Variants in CSMD1 observed in about 807,000 individuals in gnomAD.
CSMD1 encodes the protein CUB and sushi domain-containing protein 1.
CSMD1 carries 213 observed loss-of-function variants against 417.5 expected under a neutral mutation model. That is an observed-to-expected ratio of 0.51 (90% CI 0.46 to 0.57). The LOEUF (loss-of-function observed/expected upper bound fraction) is 0.57, where lower values mean the gene tolerates loss of function less well. Among genes scored for constraint, CSMD1 ranks in the 20% least tolerant of loss-of-function variants. The pLI, the probability that CSMD1 is intolerant of heterozygous loss-of-function variation, is 0.00. For missense variants in CSMD1, 6,923 were observed against 4,529.7 expected, an observed-to-expected ratio of 1.53 and a Z score of -15.17; for synonymous variants, 2,862 against 1,736.8, an observed-to-expected ratio of 1.65 and a Z score of -16.11.
chr8:4,638,407 A>G (rs924395083), intron 1 of CSMD1, among the ~76,000 whole-genome samples: 1 of 152,226 alleles, frequency 6.6e-6, no homozygotes, highest in Admixed American at 6.5e-5. Context: ...GAAGAATAAC[A>G]TATGCATAAA....
chr8:4,978,930 G>A (rs1563921303), intron 1 of CSMD1, among the ~76,000 whole-genome samples: 1 of 152,044 alleles, frequency 6.6e-6, no homozygotes, highest in Non-Finnish European at 1.5e-5. Flanking sequence ...AGAGCTATTG[G>A]GAACAGTCAG....
chr8:3,213,265 A>C (rs1258589372), intron 30 of CSMD1, among the ~76,000 whole-genome samples: 1 of 152,172 alleles, frequency 6.6e-6, no homozygotes, highest in Non-Finnish European at 1.5e-5. Context: ...TAACCCTAGA[A>C]ATGAATGTCT....
At chr8:4,171,733 T>C (rs913904114) in intron 3 of CSMD1, among the ~76,000 whole-genome samples, 1 of 152,156 alleles carries the variant, frequency 6.6e-6, no homozygotes, top group Non-Finnish European at 1.5e-5. Context: ...GCTTCTGAAA[T>C]TTTCATCTTT....
At chr8:4,165,594 G>T (rs1262351732) in intron 3 of CSMD1, among the ~76,000 whole-genome samples, 2 of 152,082 alleles carry the variant, frequency 1.3e-5, no homozygotes, top group Non-Finnish European at 2.9e-5. Context: ...GTAGAGACAT[G>T]GTCTCACTAT....
At chr8:3,020,851 A>G (rs958108132) in intron 51 of CSMD1, among the ~76,000 whole-genome samples, 4 of 152,220 alleles carry the variant, frequency 2.6e-5, no homozygotes, top group African/African-American at 9.6e-5. Context: ...GGGATTGCTA[A>G]ACTATTACAG....
chr8:3,333,036 C>A (rs1245063331), intron 23 of CSMD1, among the ~76,000 whole-genome samples: 2 of 152,130 alleles, frequency 1.3e-5, no homozygotes, highest in Non-Finnish European at 2.9e-5. Flanking sequence ...TTTGGAGAAG[C>A]CAGCAAGGAC....
At chr8:4,760,695 A>C (rs530914259) in intron 1 of CSMD1, among the ~76,000 whole-genome samples, 1 of 152,122 alleles carries the variant, frequency 6.6e-6, no homozygotes, top group African/African-American at 2.4e-5. Flanking sequence ...TATTCTTCAA[A>C]TTTACTCTAA....
chr8:3,959,368 G>A (rs1812170829), intron 5 of CSMD1, among the ~76,000 whole-genome samples: 1 of 152,112 alleles, frequency 6.6e-6, no homozygotes, highest in African/African-American at 2.4e-5. Context: ...GTGTGATGGC[G>A]CCAGCCTGTA....
intron 3 of CSMD1, among the ~76,000 whole-genome samples, chr8:4,134,999 C>A (rs1420592461): frequency 1.3e-5 from 2 of 152,096 alleles, no homozygotes; most frequent in African/African-American, 4.8e-5. Flanking sequence ...TTCTCTTCTG[C>A]CTCTAGAATT....
chr8:4,242,663 C>G (rs1367776419), intron 3 of CSMD1, among the ~76,000 whole-genome samples: 1 of 152,292 alleles, frequency 6.6e-6, no homozygotes, highest in East Asian at 1.9e-4. Flanking sequence ...TCCCTCCTTC[C>G]AGGTTCACAG....
chr8:4,225,403 C>T (rs1563301358), intron 3 of CSMD1, among the ~76,000 whole-genome samples: 1 of 151,856 alleles, frequency 6.6e-6, no homozygotes, highest in Non-Finnish European at 1.5e-5. Context: ...GTTCGTAAGC[C>T]TCTAGATAAG....
At chr8:3,706,082 GC>G (rs1801150578) in intron 7 of CSMD1, among the ~76,000 whole-genome samples, 1 of 152,244 alleles carries the variant, frequency 6.6e-6, no homozygotes. Flanking sequence ...CTGGAACGTG[GC>G]CTGGCCTGTG....
rs116905207 is a variant in CSMD1 at position 3,414,514 on chromosome 8, C to T, written c.1562-4909G>A. Among the ~76,000 whole-genome samples, 13 of 152,200 alleles carry T rather than the reference C, an allele frequency of 8.5e-5. No individual in the cohort carries two copies. In the East Asian group the frequency reaches 2.5e-3, roughly 30 times the overall value. ...TGCCATCATTGACGCTCTTGGGGTCCTCTCATCGCTCCCCATGCTGCATCC... is the reference window on the plus strand; with the variant it reads ...TGCCATCATTGACGCTCTTGGGGTCTTCTCATCGCTCCCCATGCTGCATCC... On this transcript the variant is annotated intron_variant, in intron 12 of 69. Coordinates refer to ENST00000635120, the MANE Select transcript of CSMD1 (RefSeq NM_033225.6).
At chr8:4,103,621 T>C (rs1000492992) in intron 3 of CSMD1, among the ~76,000 whole-genome samples, 1 of 152,174 alleles carries the variant, frequency 6.6e-6, no homozygotes, top group Non-Finnish European at 1.5e-5. Context: ...AACACTTGTG[T>C]AGTCTTAAGG....
intron 3 of CSMD1, among the ~76,000 whole-genome samples, chr8:4,050,518 T>C (rs371228350): frequency 6.6e-6 from 1 of 152,158 alleles, no homozygotes; most frequent in Non-Finnish European, 1.5e-5. Context: ...TGTATCATCC[T>C]GGAGGGGTAA....
intron 5 of CSMD1, among the ~76,000 whole-genome samples, chr8:3,781,680 C>T (rs1362711580): frequency 6.6e-6 from 1 of 152,180 alleles, no homozygotes; most frequent in Non-Finnish European, 1.5e-5. Context: ...AGGTTTCCAT[C>T]CTGGACTCCA....
intron 2 of CSMD1, among the ~76,000 whole-genome samples, chr8:4,535,661 G>C (rs569841991): frequency 1.3e-5 from 2 of 152,086 alleles, no homozygotes; most frequent in Non-Finnish European, 2.9e-5. Flanking sequence ...CAAAGACCTT[G>C]ATTCAGCCAT....
At chr8:4,327,267 C>G (rs548305342) in intron 3 of CSMD1, among the ~76,000 whole-genome samples, 1 of 152,282 alleles carries the variant, frequency 6.6e-6, no homozygotes, top group South Asian at 2.1e-4. Context: ...ATTTTACAGT[C>G]AATTGCTCTT....
intron 3 of CSMD1, among the ~76,000 whole-genome samples, chr8:4,277,508 G>A (rs1020635684): frequency 6.6e-6 from 1 of 152,040 alleles, no homozygotes; most frequent in African/African-American, 2.4e-5. Flanking sequence ...GTTTCCTGGT[G>A]CCATGTTTTT....
Sources: allele counts gnomAD v4.1 joint callset (sites outside exome capture counted in the v4.1 genomes callset), GRCh38; gene constraint gnomAD v4.1.1; transcripts MANE v1.5; gene names NCBI Gene and HGNC (gene_info 2026-07-23, HGNC 2026-07-21).